TERF2: variants seen among roughly 807,000 people sequenced by gnomAD.
TERF2 encodes the protein telomeric repeat binding factor 2.
Under a neutral mutation model 56.1 loss-of-function variants are expected in TERF2, and 16 were observed. The ratio of observed to expected loss-of-function variants is 0.29; its 90% CI spans 0.19 to 0.43. The LOEUF (loss-of-function observed/expected upper bound fraction) is 0.43. TERF2 is among the 20% of genes least tolerant of loss of function. TERF2 has a pLI of 1.00. For missense variants in TERF2, 547 were observed against 712.9 expected (o/e 0.77, Z 2.65); for synonymous variants, 296 against 282.1 (o/e 1.05, Z -0.50).
In TERF2 at chr16:69,372,138, T is replaced by C. The variant is rs2013599387; in HGVS notation, c.693+131A>G. 8.7e-6 allele frequency: 5 copies of C among 573,528 alleles called. No individual in the cohort carries two copies. The South Asian group carries it at 1.0e-4, about 12-fold the overall frequency. The allele number at this position is 573,528 out of a possible 1,614,324, so 35.5% of individuals were successfully genotyped here. The stretch of plus-strand genomic sequence containing the variant: ...AGTTATCTTGGATATAAAAGATAAC[T>C]TGCTGCAGGTGTTACATGTTGAAAG... On this transcript the variant is annotated intron_variant, in intron 4 of 9. Coordinates refer to ENST00000254942, the MANE Select transcript of TERF2 (RefSeq NM_005652.5).
At chr16:69,361,824 C>CT (rs761357218) in intron 7 of TERF2, among the ~76,000 whole-genome samples, 22 of 151,642 alleles carry the variant, frequency 1.5e-4, no homozygotes, top group Admixed American at 3.3e-4. Flanking sequence ...GATTTAGAAC[C>CT]TGCAAACCCC....
intron 3 of TERF2, among the ~76,000 whole-genome samples, chr16:69,380,977 G>A (rs2013979359): frequency 1.3e-5 from 2 of 151,436 alleles, no homozygotes; most frequent in Non-Finnish European, 2.9e-5. Flanking sequence ...AATTTTTTTT[G>A]TATTTTTAGT....
At chr16:69,384,766 T>C (rs1026857327) in intron 2 of TERF2, 56 bp from the exon 3 acceptor site, 22 of 1,476,918 alleles carry the variant, frequency 1.5e-5, no homozygotes, top group Non-Finnish European at 2.0e-5. Context: ...AAAAAAGTTA[T>C]GTCCAAAAAT....
In TERF2 at chr16:69,372,342, C is replaced by A; in HGVS notation, c.620G>T (p.Cys207Phe). The change falls in exon 4 of 10, where the codon TGT becomes TTT. Residue 207 changes from cysteine (C) to phenylalanine (F), a missense_variant. Coordinates refer to ENST00000254942, the MANE Select transcript of TERF2 (RefSeq NM_005652.5). The part of the protein sequence containing the change: ...KLVKEAAVII[C>F]IKNKEFEKAS... ...CTTTTCAAATTCTTTGTTTTTGATA[C>A]AAATAATGACAGCCTAAAAAGGAGG... is the stretch of plus-strand genomic sequence containing the variant. 1 of 1,607,380 alleles carries A rather than the reference C, an allele frequency of 6.2e-7. No homozygotes were observed. The highest frequency in any genetic ancestry group is 8.5e-7 in the Non-Finnish European group (1 of 1,176,646).
Position 69,355,809 on chromosome 16 carries a change from A to G in TERF2, c.*1089T>C, listed in dbSNP as rs976259952. 3 of 162,838 alleles carry G rather than the reference A, an allele frequency of 1.8e-5. No individual in the cohort carries two copies. Among genetic ancestry groups the G allele is most frequent in the Admixed American group, 1.2e-4 (2 of 16,512 alleles). 10.1% of individuals were successfully genotyped at this position (162,838 alleles called of 1,614,324 possible). A position where few individuals can be genotyped will look rare whatever the true frequency, so the allele number is the denominator to read the frequency against. On this transcript the variant is annotated 3_prime_UTR_variant, in exon 10 of 10. Coordinates refer to ENST00000254942, the MANE Select transcript of TERF2 (RefSeq NM_005652.5). ...ATCAGGAGGAAGCAACCATTTCACA[A>G]AGAATGAAATTAGGCATTTATATTC...
intron 3 of TERF2, among the ~76,000 whole-genome samples, chr16:69,378,999 T>C (rs952383902): frequency 6.6e-6 from 1 of 151,854 alleles, no homozygotes; most frequent in Non-Finnish European, 1.5e-5. Context: ...CACTTGGCAG[T>C]TCCCAGAAGT....
chr16:69,361,669 C>T (rs2013145931), intron 7 of TERF2, among the ~76,000 whole-genome samples, 180 bp from the exon 8 acceptor site: 1 of 152,120 alleles, frequency 6.6e-6, no homozygotes, highest in Non-Finnish European at 1.5e-5. Flanking sequence ...CCAGGCATCT[C>T]CACGTAACAC....
Position 69,356,453 on chromosome 16 carries a change from T to A in TERF2, c.*445A>T, listed in dbSNP as rs2012900635. 1 of 263,608 alleles carries A rather than the reference T, an allele frequency of 3.8e-6. No homozygotes were observed. The highest frequency in any genetic ancestry group is 3.6e-5 in the South Asian group (1 of 27,466). The allele number at this position is 263,608 out of a possible 1,614,324, so 16.3% of individuals were successfully genotyped here. On this transcript the variant is annotated 3_prime_UTR_variant, in exon 10 of 10. Coordinates refer to ENST00000254942, the MANE Select transcript of TERF2 (RefSeq NM_005652.5). ...ACAGTGATGAAGTGGAAATGGGACC[T>A]CCCCCACGTCGAAGGAGGTTGCCCA...
chr16:69,363,499 T>TAAA (rs1206493793), intron 7 of TERF2, among the ~76,000 whole-genome samples: 1 of 152,118 alleles, frequency 6.6e-6, no homozygotes, highest in Non-Finnish European at 1.5e-5. Context: ...ATGGGCTGAG[T>TAAA]GGTCCTGGCC....
chr16:69,366,931 A>G lies in TERF2; in HGVS notation c.1216T>C (p.Leu406=), dbSNP rs765574253. The G allele has an allele frequency of 2.5e-6, 4 of 1,614,226 alleles. No homozygotes were observed. The highest frequency in any genetic ancestry group is 3.4e-6 in the Non-Finnish European group (4 of 1,180,034). Residue 406 remains leucine (L), a synonymous_variant, in exon 7 of 10, where the codon TTG becomes CTG. Transcript: ENST00000254942. ...TCAGTACTCTGGCTGTCCTCCTCCA[A>G]GACCAATCTGCTTATTGTCATGCGC... ...NKRMTISRLV[L]EEDSQSTEPS...
intron 3 of TERF2, among the ~76,000 whole-genome samples, chr16:69,373,480 C>T (rs2013651606): frequency 6.6e-6 from 1 of 152,174 alleles, no homozygotes; most frequent in South Asian, 2.1e-4. Flanking sequence ...AAGTAGCTAT[C>T]TCAAATCCTG....
intron 3 of TERF2, among the ~76,000 whole-genome samples, chr16:69,382,253 T>C (rs963754409): frequency 6.6e-6 from 1 of 152,242 alleles, no homozygotes; most frequent in Non-Finnish European, 1.5e-5. Flanking sequence ...TTCAATATAC[T>C]TTTAAATAAA....
chr16:69,385,457 G>A lies in TERF2; in HGVS notation c.409C>T (p.His137Tyr), dbSNP rs1336939532. ...ACCCGCAGCAATCGGGACACGGTGT[G>A]CTCCTTCCCCAAGGGCCTGACAAGC... ...ALLVRPLGKE[H>Y]TVSRLLRVMQ... Residue 137 changes from histidine (H) to tyrosine (Y), a missense_variant, in exon 2 of 10, where the codon CAC (histidine) becomes TAC (tyrosine). Physicochemically the swap from His to Tyr is moderately conservative, Grantham distance 83. Around this residue, in one of 6 missense-constraint regions of TERF2, gnomAD observed 120 missense variants for 172.4 expected, o/e 0.70. Coordinates refer to ENST00000254942, the MANE Select transcript of TERF2 (RefSeq NM_005652.5). 1 of 1,614,126 alleles carries A rather than the reference G, an allele frequency of 6.2e-7. No homozygotes were observed. The highest frequency in any genetic ancestry group is 8.5e-7 in the Non-Finnish European group (1 of 1,180,016).
chr16:69,357,098 C>T (rs1268229440), intron 9 of TERF2, 42 bp from the exon 10 acceptor site: 12 of 1,573,036 alleles, frequency 7.6e-6, no homozygotes, highest in Non-Finnish European at 1.0e-5. Flanking sequence ...CCTTTCCTCT[C>T]CACTTACTTA....
At chr16:69,364,890 G>C (rs974279595) in intron 7 of TERF2, 4 of 152,182 alleles carry the variant, frequency 2.6e-5, no homozygotes, top group African/African-American at 9.7e-5. Flanking sequence ...TTGCAAGCCT[G>C]TCTCTGCTGT....
At position 69,356,810 on chromosome 16, in the gene TERF2, A is replaced by G. The variant is rs1170489109; in HGVS notation, c.*88T>C. The G allele has an allele frequency of 1.4e-5, 20 of 1,450,036 alleles. No individual in the cohort carries two copies. The highest frequency in any genetic ancestry group is 1.3e-4 in the African/African-American group (9 of 69,732). 89.8% of individuals were successfully genotyped at this position (1,450,036 alleles called of 1,614,324 possible). A position where few individuals can be genotyped will look rare whatever the true frequency, so the allele number is the denominator to read the frequency against. On this transcript the variant is annotated 3_prime_UTR_variant, in exon 10 of 10. Transcript: ENST00000254942. ...GCGAGACTCTGTCTCAAAAAAAAAAAAAAAAGAAAAAGAAAGAAAGAGCAG... is the reference window on the plus strand; with the variant it reads ...GCGAGACTCTGTCTCAAAAAAAAAAGAAAAAGAAAAAGAAAGAAAGAGCAG...
intron 5 of TERF2, among the ~76,000 whole-genome samples, chr16:69,369,773 A>C (rs1453697198): frequency 6.6e-6 from 1 of 152,064 alleles, no homozygotes; most frequent in Non-Finnish European, 1.5e-5. Flanking sequence ...GGCTTCTTTC[A>C]ACTTTATACT....
chr16:69,363,682 A>T (rs1243479463), intron 7 of TERF2, among the ~76,000 whole-genome samples: 1 of 152,204 alleles, frequency 6.6e-6, no homozygotes, highest in Non-Finnish European at 1.5e-5. Context: ...AAAACAAAAA[A>T]AGACAGTTGG....
At chr16:69,364,611 C>CT (rs1408638611) in intron 7 of TERF2, among the ~76,000 whole-genome samples, 1 of 151,942 alleles carries the variant, frequency 6.6e-6, no homozygotes, top group Admixed American at 6.6e-5. Flanking sequence ...CCATGACACT[C>CT]TGAGGGGCAC....
Sources: allele counts gnomAD v4.1 joint callset (sites outside exome capture counted in the v4.1 genomes callset), GRCh38; gene constraint gnomAD v4.1.1; regional missense constraint gnomAD v4.1.1; transcripts MANE v1.5; gene names NCBI Gene and HGNC (gene_info 2026-07-23, HGNC 2026-07-21).